The following PTPRD variants were observed in gnomAD, a reference collection of about 807,000 sequenced individuals.
PTPRD encodes protein tyrosine phosphatase receptor type D.
In PTPRD, 34 loss-of-function variants were observed where a neutral mutation model predicts 214.5. That is an observed-to-expected ratio of 0.16 (90% CI 0.12 to 0.21). The LOEUF (loss-of-function observed/expected upper bound fraction) is 0.21, where lower values mean the gene tolerates loss of function less well. PTPRD is among the 10% of genes least tolerant of loss of function. The pLI is 1.00. For synonymous variants in PTPRD, 1,128 were observed against 845.7 expected (o/e 1.33, Z -5.79); for missense variants, 2,545 against 2,398.7 (o/e 1.06, Z -1.27).
At chr9:10,560,562 A>G (rs1392015192) in intron 2 of PTPRD, among the ~76,000 whole-genome samples, 1 of 152,160 alleles carries the variant, frequency 6.6e-6, no homozygotes, top group Non-Finnish European at 1.5e-5. Flanking sequence ...GTATAATAAT[A>G]AAAACAATAA....
At chr9:9,858,697 T>C (rs1198151005) in intron 5 of PTPRD, among the ~76,000 whole-genome samples, 1 of 151,974 alleles carries the variant, frequency 6.6e-6, no homozygotes, top group Non-Finnish European at 1.5e-5. Context: ...AATGATATAA[T>C]GAAAAATGTA....
At chr9:9,912,984 A>G (rs1200774775) in intron 5 of PTPRD, among the ~76,000 whole-genome samples, 3 of 152,220 alleles carry the variant, frequency 2.0e-5, no homozygotes, top group Non-Finnish European at 4.4e-5. Context: ...AGACAAGCAC[A>G]TTAAATAACA....
At chr9:9,762,266 A>T (rs1048763810) in intron 6 of PTPRD, among the ~76,000 whole-genome samples, 2 of 152,212 alleles carry the variant, frequency 1.3e-5, no homozygotes, top group Non-Finnish European at 2.9e-5. Context: ...GTCTTTCTTC[A>T]CTTTGTCCCA....
intron 14 of PTPRD, among the ~76,000 whole-genome samples, chr9:8,554,786 T>C (rs532212036): frequency 2.0e-5 from 3 of 152,192 alleles, no homozygotes; most frequent in Non-Finnish European, 4.4e-5. Context: ...GAGAAATATA[T>C]GAAGCAGCAC....
intron 3 of PTPRD, among the ~76,000 whole-genome samples, chr9:10,278,852 G>T (rs762232567): frequency 6.6e-6 from 1 of 151,902 alleles, no homozygotes; most frequent in Admixed American, 6.6e-5. Context: ...TCGGCTCACT[G>T]CAAGCTCCGT....
chr9:9,241,850 G>A (rs191632932), intron 9 of PTPRD, among the ~76,000 whole-genome samples: 2 of 152,034 alleles, frequency 1.3e-5, no homozygotes, highest in Admixed American at 1.3e-4. Context: ...TTACACTGAA[G>A]GGTAATATTG....
intron 3 of PTPRD, among the ~76,000 whole-genome samples, chr9:10,179,342 T>C (rs2099268383): frequency 6.6e-6 from 1 of 151,966 alleles, no homozygotes; most frequent in African/African-American, 2.4e-5. Flanking sequence ...TGAATAACTC[T>C]TAGAAGATAT....
chr9:9,346,147 A>G (rs750087798), intron 9 of PTPRD, among the ~76,000 whole-genome samples: 3 of 152,192 alleles, frequency 2.0e-5, no homozygotes, highest in Non-Finnish European at 4.4e-5. Context: ...TATTAAGTGC[A>G]GAATATATCT....
chr9:8,805,134 A>C (rs913054659), intron 11 of PTPRD, among the ~76,000 whole-genome samples: 1 of 152,152 alleles, frequency 6.6e-6, no homozygotes, highest in Admixed American at 6.5e-5. Context: ...GAAAAATAAG[A>C]AGAATGAAAG....
At chr9:10,011,454 G>A (rs1361110053) in intron 4 of PTPRD, among the ~76,000 whole-genome samples, 1 of 151,596 alleles carries the variant, frequency 6.6e-6, no homozygotes, top group African/African-American at 2.4e-5. Flanking sequence ...CTCATTTTTT[G>A]CTTTTAGCTG....
rs1486107383 is a variant in PTPRD, at chr9:8,500,962, G to A, written c.1920C>T (p.Gly640=). ...WQPPPVEKQN[G]IITEYSIKYT... ...ACTTGATGGAGTATTCAGTGATAAT[G>A]CCATTCTGTTTTTCCACTGGTGGAG... is the stretch of plus-strand genomic sequence containing the variant. Residue 640 remains glycine, a synonymous_variant, in exon 24 of 46, where the codon GGC becomes GGT. Coordinates refer to ENST00000381196, the MANE Select transcript of PTPRD (RefSeq NM_002839.4). The A allele has an allele frequency of 1.9e-6, 3 of 1,613,982 alleles. No individual in the cohort carries two copies. Among genetic ancestry groups the A allele is most frequent in the Non-Finnish European group, 2.5e-6 (3 of 1,180,012 alleles).
chr9:9,196,568 C>G (rs545592067), intron 9 of PTPRD, among the ~76,000 whole-genome samples: 1 of 152,242 alleles, frequency 6.6e-6, no homozygotes, highest in Admixed American at 6.5e-5. Context: ...TACGGTTATG[C>G]CATTTTAAAC....
intron 5 of PTPRD, among the ~76,000 whole-genome samples, chr9:9,921,820 C>G (rs1421747434): frequency 6.6e-6 from 1 of 151,556 alleles, no homozygotes; most frequent in African/African-American, 2.4e-5. Context: ...TATTATGTGT[C>G]CCACACTGTT....
At chr9:9,980,772 C>T (rs771466467) in intron 4 of PTPRD, among the ~76,000 whole-genome samples, 1 of 150,764 alleles carries the variant, frequency 6.6e-6, no homozygotes, top group South Asian at 2.1e-4. Flanking sequence ...TCAACAAGGT[C>T]GCAAAAAAGC....
chr9:8,340,485 T>G lies in PTPRD; in HGVS notation c.5127-16A>C, dbSNP rs1851433394. On this transcript the variant is annotated splice_polypyrimidine_tract_variant and intron_variant, in intron 41 of 45. Coordinates refer to ENST00000381196, the MANE Select transcript of PTPRD (RefSeq NM_002839.4). ...TTTCTGTTGTCTGAATTACAGAGAA[T>G]GAAAAGAATGTGTTAAAGTATTTAG... The G allele has an allele frequency of 6.4e-7, 1 of 1,553,040 alleles. No individual in the cohort carries two copies. The highest frequency in any genetic ancestry group is 1.3e-5 in the African/African-American group (1 of 74,204).
chr9:9,971,569 T>C (rs1566837527), intron 4 of PTPRD, among the ~76,000 whole-genome samples: 1 of 152,212 alleles, frequency 6.6e-6, no homozygotes, highest in Non-Finnish European at 1.5e-5. Flanking sequence ...GATTATGGCA[T>C]AGGATTCAAT....
At chr9:9,070,675 T>G (rs2099742404) in intron 10 of PTPRD, among the ~76,000 whole-genome samples, 2 of 152,212 alleles carry the variant, frequency 1.3e-5, no homozygotes, top group South Asian at 4.1e-4. Context: ...ACACACTACC[T>G]GTTCTTATGT....
chr9:8,709,526 A>AAAAAAAG (rs2098282845), intron 12 of PTPRD, among the ~76,000 whole-genome samples: 4 of 150,708 alleles, frequency 2.7e-5, no homozygotes, highest in African/African-American at 4.9e-5. Flanking sequence ...AAAAAAAAAA[A>AAAAAAAG]AAAAAGAAAA....
At position 8,646,715 on chromosome 9, in the gene PTPRD, T is replaced by C. The variant is rs150636244; in HGVS notation, c.65-9871A>G. On this transcript the variant is annotated intron_variant, in intron 12 of 45. Coordinates refer to ENST00000381196, the MANE Select transcript of PTPRD (RefSeq NM_002839.4). ...TGAATCACAATAGTCTATATTTCATTATAGTTATTTTAAGCACATGTGTTT... is the reference window on the plus strand; with the variant it reads ...TGAATCACAATAGTCTATATTTCATCATAGTTATTTTAAGCACATGTGTTT... Among the ~76,000 whole-genome samples the C allele has an allele frequency of 9.7e-4, 147 of 152,326 alleles. No individual in the cohort carries two copies. The South Asian group carries it at 0.023, about 24-fold the overall frequency.
Sources: allele counts gnomAD v4.1 joint callset (sites outside exome capture counted in the v4.1 genomes callset), GRCh38; gene constraint gnomAD v4.1.1; transcripts MANE v1.5; gene names NCBI Gene and HGNC (gene_info 2026-07-23, HGNC 2026-07-21).